ABCB10: variants seen among roughly 807,000 people sequenced by gnomAD.
The protein encoded by ABCB10 is ATP-binding cassette sub-family B member 10, mitochondrial.
In ABCB10, 54 loss-of-function variants were observed where a neutral mutation model predicts 65.4. The observed-to-expected ratio is 0.83, with a 90% CI of 0.66 to 1.04. The LOEUF (loss-of-function observed/expected upper bound fraction) is 1.04, where lower values mean the gene tolerates loss of function less well. ABCB10 is among the 50% of genes least tolerant of loss of function. ABCB10 has a pLI of 0.00. For missense variants in ABCB10, 846 were observed against 976.6 expected (o/e 0.87, Z 1.78); for synonymous variants, 418 against 406.5 (o/e 1.03, Z -0.34).
At position 229,558,630 on chromosome 1, in the gene ABCB10, G is replaced by T. The variant is rs1446830778; in HGVS notation, c.23C>A (p.Pro8Gln). The T allele has an allele frequency of 1.4e-6, 2 of 1,399,784 alleles. No individual in the cohort carries two copies. The highest frequency in any genetic ancestry group is 2.9e-5 in the South Asian group (2 of 69,112). 86.7% of individuals were successfully genotyped at this position (1,399,784 alleles called of 1,614,324 possible). MRGPPAW[P>Q]LRLLEPPSPA... ...GCTCGGTGGCTCGAGCAGCCGCAGC[G>T]GCCAGGCAGGGGGGCCTCGCATGGC... The change falls in exon 1 of 13, where the codon CCG becomes CAG. Residue 8 changes from proline (P) to glutamine (Q), a missense_variant. This residue lies in a region of ABCB10 where 214 missense variants were observed against 173.5 expected (regional missense o/e 1.23). Transcript: ENST00000344517.
At chr1:229,553,813 A>G (rs1486678861) in intron 1 of ABCB10, among the ~76,000 whole-genome samples, 1 of 151,906 alleles carries the variant, frequency 6.6e-6, no homozygotes, top group Non-Finnish European at 1.5e-5. Flanking sequence ...TTGACCTTGC[A>G]TAAGTCACTC....
intron 1 of ABCB10, 143 bp from the exon 2 acceptor site, chr1:229,549,577 C>T (rs1663057179): frequency 3.8e-6 from 3 of 798,230 alleles, no homozygotes; most frequent in Non-Finnish European, 6.0e-6. Context: ...CCTTTTGCTC[C>T]TCGATCTCTG....
chr1:229,552,594 G>T (rs898253680), intron 1 of ABCB10, among the ~76,000 whole-genome samples: 1 of 152,184 alleles, frequency 6.6e-6, no homozygotes, highest in Non-Finnish European at 1.5e-5. Context: ...GAAGAGGTTG[G>T]GGGTGGTTGG....
chr1:229,517,989 T>C lies in ABCB10; in HGVS notation c.*190A>G. On this transcript the variant is annotated 3_prime_UTR_variant, in exon 13 of 13. Coordinates refer to ENST00000344517, the MANE Select transcript of ABCB10 (RefSeq NM_012089.3). ...CTATAGACATTTAAAAAGTTACAAT[T>C]ATTAAAACTCTGAATAAAAAGATCT... 3.5e-6 allele frequency: 2 copies of C among 578,094 alleles called. No homozygotes were observed. 35.8% of individuals were successfully genotyped at this position (578,094 alleles called of 1,614,324 possible).
intron 1 of ABCB10, among the ~76,000 whole-genome samples, chr1:229,557,842 C>T (rs1663295737): frequency 6.6e-6 from 1 of 152,198 alleles, no homozygotes; most frequent in Non-Finnish European, 1.5e-5. Context: ...AAAACAGATG[C>T]TCCCACTAAG....
At position 229,540,651 on chromosome 1, in the gene ABCB10, C is replaced by T. The variant is rs913068538; in HGVS notation, c.1158G>A (p.Gln386=). 1.2e-6 allele frequency: 2 copies of T among 1,612,394 alleles called. No homozygotes were observed. Among genetic ancestry groups the T allele is most frequent in the Non-Finnish European group, 8.5e-7 (1 of 1,179,992 alleles). Residue 386 remains glutamine (Q), a synonymous_variant, in exon 5 of 13, where the codon CAG becomes CAA. Transcript: ENST00000344517. ...GGGCGAATGCCTCTTTCCTTGCTAA[C>T]TGCATTACATGGTCCACTTTGCTGG... is the stretch of plus-strand genomic sequence containing the variant. ...KYASKVDHVM[Q]LARKEAFARA...
rs768931908 is a variant in ABCB10, at chr1:229,518,167, G to C, written c.*12C>G. 6 of 1,595,974 alleles carry C rather than the reference G, an allele frequency of 3.8e-6. No individual in the cohort carries two copies. Among genetic ancestry groups the C allele is most frequent in the Non-Finnish European group, 5.2e-6 (6 of 1,163,960 alleles). ...CATTAAAGTCTCATATTGTTTACCAGTAATTGCTTCCTTATGCTGAAATAA... is the reference window on the plus strand; with the variant it reads ...CATTAAAGTCTCATATTGTTTACCACTAATTGCTTCCTTATGCTGAAATAA... On this transcript the variant is annotated 3_prime_UTR_variant, in exon 13 of 13. Coordinates refer to ENST00000344517, the MANE Select transcript of ABCB10 (RefSeq NM_012089.3).
At chr1:229,531,173 T>C (rs1662575497) in intron 7 of ABCB10, among the ~76,000 whole-genome samples, 1 of 152,180 alleles carries the variant, frequency 6.6e-6, no homozygotes, top group Non-Finnish European at 1.5e-5. Flanking sequence ...CTCCAGCCAA[T>C]GAGTACCAGC....
At chr1:229,520,562 C>G (rs1662288321) in intron 11 of ABCB10, among the ~76,000 whole-genome samples, 1 of 150,694 alleles carries the variant, frequency 6.6e-6, no homozygotes, top group African/African-American at 2.4e-5. Flanking sequence ...CATTACAAGT[C>G]CAGCTTTGCA....
chr1:229,541,644 CAAAT>C (rs1662845813), intron 4 of ABCB10, among the ~76,000 whole-genome samples: 1 of 151,718 alleles, frequency 6.6e-6, no homozygotes. Context: ...TGTCCTATAA[CAAAT>C]AGTGATAGTG....
At chr1:229,525,147 G>C (rs1391545607) in intron 10 of ABCB10, among the ~76,000 whole-genome samples, 4 of 152,116 alleles carry the variant, frequency 2.6e-5, no homozygotes, top group Non-Finnish European at 5.9e-5. Context: ...GAGCCACCGT[G>C]CCTGGCCAAA....
intron 10 of ABCB10, among the ~76,000 whole-genome samples, chr1:229,521,869 TTTTC>T (rs1278076892): frequency 2.6e-5 from 4 of 151,972 alleles, no homozygotes; most frequent in Admixed American, 6.6e-5. Context: ...AAGTATTTTC[TTTTC>T]TTTCTGTTTT....
chr1:229,550,524 C>CAAAAA (rs1423645749), intron 1 of ABCB10, among the ~76,000 whole-genome samples: 1 of 60,186 alleles, frequency 1.7e-5, no homozygotes, highest in African/African-American at 9.7e-5. Flanking sequence ...TATGCTGTCT[C>CAAAAA]CAAAAAAAAA....
chr1:229,522,286 A>T (rs1287026672), intron 10 of ABCB10, among the ~76,000 whole-genome samples: 2 of 152,176 alleles, frequency 1.3e-5, no homozygotes, highest in African/African-American at 4.8e-5. Flanking sequence ...GGCTCATTGC[A>T]GCTTCAACCT....
At chr1:229,555,487 CT>C (rs1663226513) in intron 1 of ABCB10, among the ~76,000 whole-genome samples, 1 of 152,254 alleles carries the variant, frequency 6.6e-6, no homozygotes, top group Admixed American at 6.5e-5. Flanking sequence ...GCTAAAGCTG[CT>C]TTCAGCACAC....
chr1:229,520,779 C>T (rs1252187188), intron 11 of ABCB10, among the ~76,000 whole-genome samples: 1 of 152,188 alleles, frequency 6.6e-6, no homozygotes, highest in African/African-American at 2.4e-5. Flanking sequence ...TCCACCTGTA[C>T]TAAGTGAAAG....
Position 229,549,291 on chromosome 1 carries a change from C to A in ABCB10, c.661G>T (p.Val221Leu), listed in dbSNP as rs1427896345. 6.2e-7 allele frequency: 1 copy of A among 1,614,120 alleles called. No homozygotes were observed. Among genetic ancestry groups the A allele is most frequent in the Non-Finnish European group, 8.5e-7 (1 of 1,180,026 alleles). ...TTGGCGGCAGCACCACACAGAAACA[C>A]GGCACTGAGCCCTAGGCAGAGGCGG... Reference protein sequence around the residue: ...LTRLCLGLSAVFLCGAAANAI... With the variant: ...LTRLCLGLSALFLCGAAANAI... Residue 221 changes from valine to leucine, a missense_variant, in exon 2 of 13, where the codon GTG becomes TTG. Val to Leu is a conservative substitution (Grantham distance 32). Around this residue, in one of 2 missense-constraint regions of ABCB10, gnomAD observed 632 missense variants for 803.2 expected, o/e 0.79. Transcript: ENST00000344517.
chr1:229,521,230 T>C lies in ABCB10; in HGVS notation c.1950+362A>G, dbSNP rs374692216. On this transcript the variant is annotated intron_variant, in intron 11 of 12. Transcript: ENST00000344517. ...TACTTCAAGTCTGTACTATTCACTT[T>C]AGCAGCTGATTACAGATTGTACAAA... Among the ~76,000 whole-genome samples the C allele has an allele frequency of 1.7e-4, 26 of 152,324 alleles. No individual in the cohort carries two copies. The East Asian group carries it at 4.4e-3, about 26-fold the overall frequency.
chr1:229,518,436 A>C, intron 12 of ABCB10, 26 bp from the exon 13 acceptor site: 1 of 1,598,836 alleles, frequency 6.3e-7, no homozygotes, highest in Non-Finnish European at 8.6e-7. Context: ...ACACACAAGA[A>C]AGCAAAGACG....
Sources: allele counts gnomAD v4.1 joint callset (sites outside exome capture counted in the v4.1 genomes callset), GRCh38; gene constraint gnomAD v4.1.1; regional missense constraint gnomAD v4.1.1; transcripts MANE v1.5; gene names NCBI Gene and HGNC (gene_info 2026-07-23, HGNC 2026-07-21).